The following NFXL1 variants were observed in gnomAD, a reference collection of about 807,000 sequenced individuals.
NFXL1 encodes the protein NF-X1-type zinc finger protein NFXL1.
NFXL1 carries 66 observed loss-of-function variants against 123.3 expected under a neutral mutation model. The ratio of observed to expected loss-of-function variants is 0.54; its 90% confidence interval spans 0.44 to 0.66. The LOEUF (loss-of-function observed/expected upper bound fraction) is 0.66, where lower values mean the gene tolerates loss of function less well. Among genes scored for constraint, NFXL1 ranks in the 30% least tolerant of loss-of-function variants. NFXL1 has a pLI of 0.00. For synonymous variants in NFXL1, 346 were observed against 360.8 expected (o/e 0.96, Z 0.46); for missense variants, 944 against 1,125.6 (o/e 0.84, Z 2.31).
intron 18 of NFXL1, among the ~76,000 whole-genome samples, chr4:47,874,047 T>C (rs1216964648): frequency 6.6e-6 from 1 of 152,242 alleles, no homozygotes; most frequent in Non-Finnish European, 1.5e-5. Flanking sequence ...AGCTTCTTCA[T>C]CTCTCTCAGT....
intron 22 of NFXL1, 67 bp downstream of exon 22, chr4:47,851,028 C>G (rs746226800): frequency 8.6e-7 from 1 of 1,165,848 alleles, no homozygotes; most frequent in Non-Finnish European, 1.3e-6. Context: ...TTGGAATATA[C>G]CCCGTGTTTG....
rs1162067306 is a variant in NFXL1, at chr4:47,910,962, T to G, written c.268A>C (p.Lys90Gln). 6.2e-7 allele frequency: 1 copy of G among 1,604,640 alleles called. No homozygotes were observed. Among genetic ancestry groups the G allele is most frequent in the Admixed American group, 1.7e-5 (1 of 58,040 alleles). ...LMSQKKFEEI[K>Q]KANQAAARKL... ...CTGGCTGCAGCTTGGTTAGCTTTCT[T>G]GATTTCTTCAAATTTTTTCTGAGAC... The change falls in exon 3 of 23, where the codon AAG becomes CAG. Residue 90 changes from lysine (K) to glutamine (Q), a missense_variant. Transcript: ENST00000507489.
At position 47,899,503 on chromosome 4, in the gene NFXL1, C is replaced by G; in HGVS notation, c.693G>C (p.Arg231Ser). 1 of 1,612,886 alleles carries G rather than the reference C, an allele frequency of 6.2e-7. No individual in the cohort carries two copies. Among genetic ancestry groups the G allele is most frequent in the Non-Finnish European group, 8.5e-7 (1 of 1,178,968 alleles). The change falls in exon 6 of 23, where the codon AGG (arginine) becomes AGC (serine). Residue 231 changes from arginine (R) to serine (S), a missense_variant. Arg to Ser is a moderately radical substitution (Grantham distance 110). Coordinates refer to ENST00000507489, the MANE Select transcript of NFXL1 (RefSeq NM_001278624.2). ...FEYKRSETPS[R>S]YYCYCGKVED... The stretch of plus-strand genomic sequence containing the variant: ...CTACTTTTCCACAATAGCAATAGTA[C>G]CTACTAGGTGTTTCAGATCGTTTGT...
At chr4:47,894,047 T>A (rs1403125170) in intron 11 of NFXL1, 133 bp downstream of exon 11, 1 of 499,260 alleles carries the variant, frequency 2.0e-6, no homozygotes. Context: ...ATCTAGAATA[T>A]TTATTAATAT....
intron 16 of NFXL1, 76 bp downstream of exon 16, chr4:47,879,017 TAAC>T: frequency 2.4e-6 from 2 of 825,748 alleles, no homozygotes; most frequent in Non-Finnish European, 3.9e-6. Flanking sequence ...TTGTTATTTC[TAAC>T]AACTCTAGTA....
intron 9 of NFXL1, among the ~76,000 whole-genome samples, chr4:47,897,340 T>A (rs907800823): frequency 4.6e-5 from 7 of 152,094 alleles, no homozygotes; most frequent in African/African-American, 1.4e-4. Flanking sequence ...TACAAAATTA[T>A]AAAATTCACC....
chr4:47,887,451 G>A (rs1736505113), intron 12 of NFXL1, among the ~76,000 whole-genome samples: 1 of 152,102 alleles, frequency 6.6e-6, no homozygotes, highest in Non-Finnish European at 1.5e-5. Context: ...GAAGATTAGA[G>A]GTAAAACATC....
intron 18 of NFXL1, among the ~76,000 whole-genome samples, chr4:47,864,601 G>A (rs1734948433): frequency 6.6e-6 from 1 of 152,094 alleles, no homozygotes; most frequent in South Asian, 2.1e-4. Context: ...CCTCTGTCCA[G>A]TCACACTTCT....
At chr4:47,882,243 G>C (rs1468328399) in intron 15 of NFXL1, 2 of 152,134 alleles carry the variant, frequency 1.3e-5, no homozygotes, top group Admixed American at 1.3e-4. Context: ...CCTTTCCAGG[G>C]ACTGGCTTAA....
Position 47,898,972 on chromosome 4 carries a change from A to G in NFXL1, c.975T>C (p.Asn325=). The change falls in exon 7 of 23, where the codon AAT becomes AAC. Residue 325 remains asparagine (N), a synonymous_variant. Coordinates refer to ENST00000507489, the MANE Select transcript of NFXL1 (RefSeq NM_001278624.2). ...ATGGCCTTTTACCTGCATGACAAGG[A>G]TTTTCACACTTATGTTGCCCACAAA... ...KLLCGQHKCE[N]PCHAGSCQPC... 6.2e-7 allele frequency: 1 copy of G among 1,614,036 alleles called. No individual in the cohort carries two copies. The highest frequency in any genetic ancestry group is 1.3e-5 in the African/African-American group (1 of 75,024).
Position 47,910,229 on chromosome 4 carries a change from G to T in NFXL1, c.406+595C>A, listed in dbSNP as rs564837832. On this transcript the variant is annotated intron_variant, in intron 3 of 22. Coordinates refer to ENST00000507489, the MANE Select transcript of NFXL1 (RefSeq NM_001278624.2). ...TGCAGTGCACATGCCTGTAGTCTCA[G>T]CTACTCAGGAAGCTGAGGCAGGAGG... Among the ~76,000 whole-genome samples, 41 of 152,178 alleles carry T rather than the reference G, an allele frequency of 2.7e-4. No homozygotes were observed. The East Asian group carries it at 7.3e-3, about 27-fold the overall frequency.
At chr4:47,896,768 C>A in intron 9 of NFXL1, 121 bp from the exon 10 acceptor site, 2 of 584,074 alleles carry the variant, frequency 3.4e-6, no homozygotes, top group South Asian at 2.7e-5. Flanking sequence ...ATTTTTGTAT[C>A]CACATAATCA....
At chr4:47,858,388 C>T (rs1734530147) in intron 19 of NFXL1, among the ~76,000 whole-genome samples, 1 of 152,152 alleles carries the variant, frequency 6.6e-6, no homozygotes. Flanking sequence ...TATGACCAAG[C>T]AATTACACTA....
At chr4:47,901,592 G>A (rs1231479769) in intron 5 of NFXL1, among the ~76,000 whole-genome samples, 2 of 152,058 alleles carry the variant, frequency 1.3e-5, no homozygotes, top group Non-Finnish European at 2.9e-5. Context: ...ACTTTGAAAT[G>A]TTAAACAGTT....
intron 12 of NFXL1, among the ~76,000 whole-genome samples, chr4:47,889,325 C>T (rs1021866590): frequency 1.3e-5 from 2 of 152,064 alleles, no homozygotes; most frequent in Admixed American, 1.3e-4. Context: ...TGAGAGCATA[C>T]CTGAAAAACT....
chr4:47,864,746 G>A (rs1734955850), intron 18 of NFXL1, among the ~76,000 whole-genome samples: 1 of 152,148 alleles, frequency 6.6e-6, no homozygotes, highest in Non-Finnish European at 1.5e-5. Flanking sequence ...GTGGGGCAGG[G>A]GTAGGAATGG....
In NFXL1 at chr4:47,859,805, G is replaced by C. The variant is rs546181229; in HGVS notation, c.2316+3041C>G. Among the ~76,000 whole-genome samples the C allele has an allele frequency of 3.1e-4, 37 of 118,332 alleles. 1 individual carries two copies. Among genetic ancestry groups the C allele is most frequent in the Admixed American group, 1.8e-3 (15 of 8,528 alleles). The allele number at this position is 118,332 out of a possible 152,430, so 77.6% of individuals were successfully genotyped here. A position where few individuals can be genotyped will look rare whatever the true frequency, so the allele number is the denominator to read the frequency against. On this transcript the variant is annotated intron_variant, in intron 19 of 22. Coordinates refer to ENST00000507489, the MANE Select transcript of NFXL1 (RefSeq NM_001278624.2). Reference sequence around the variant, plus strand: ...TGTAGTGAGCCAAGATTGCGCCACCGTACTCCAACCCAGGCAACAGAGTGA... The same window carrying C: ...TGTAGTGAGCCAAGATTGCGCCACCCTACTCCAACCCAGGCAACAGAGTGA...
At chr4:47,902,765 T>A (rs1737403135) in intron 5 of NFXL1, among the ~76,000 whole-genome samples, 1 of 152,218 alleles carries the variant, frequency 6.6e-6, no homozygotes, top group African/African-American at 2.4e-5. Flanking sequence ...AGATTCCACA[T>A]CTTCACACAC....
intron 18 of NFXL1, among the ~76,000 whole-genome samples, chr4:47,873,081 TG>T (rs1735548921): frequency 6.6e-6 from 1 of 152,262 alleles, no homozygotes; most frequent in African/African-American, 2.4e-5. Context: ...CCACTTTCTT[TG>T]TTCATCCATT....
Sources: allele counts gnomAD v4.1 joint callset (sites outside exome capture counted in the v4.1 genomes callset), GRCh38; gene constraint gnomAD v4.1.1; transcripts MANE v1.5; gene names NCBI Gene and HGNC (gene_info 2026-07-23, HGNC 2026-07-21).